The following TBC1D32 variants were observed in gnomAD, a reference collection of about 807,000 sequenced individuals.
TBC1D32 encodes protein broad-minded.
In TBC1D32, 151 loss-of-function variants were observed where a neutral mutation model predicts 170.3. The observed-to-expected ratio is 0.89, with a 90% confidence interval of 0.78 to 1.01. The LOEUF is 1.01. TBC1D32 is among the 50% of genes least tolerant of loss of function. TBC1D32 has a pLI of 0.00. For missense variants in TBC1D32, 1,464 were observed against 1,457.1 expected (o/e 1.00, Z -0.08); for synonymous variants, 498 against 488.0 (o/e 1.02, Z -0.27).
rs77710719 is a variant in TBC1D32, at chr6:121,087,507, C to T, written c.3654+3346G>A. Among the ~76,000 whole-genome samples, 231 of 152,210 alleles carry T rather than the reference C, an allele frequency of 1.5e-3. 1 individual carries two copies. Among genetic ancestry groups the T allele is most frequent in the African/African-American group, 5.4e-3 (223 of 41,536 alleles). ...TGCACACAGATTTTTATTTCTAAAA[C>T]AATGCTTTTATCATGTCATTTTATC... On this transcript the variant is annotated intron_variant, in intron 31 of 31. Transcript: ENST00000398212.
intron 3 of TBC1D32, among the ~76,000 whole-genome samples, chr6:121,312,952 C>A (rs1407825868): frequency 6.6e-6 from 1 of 152,176 alleles, no homozygotes; most frequent in African/African-American, 2.4e-5. Context: ...TCACTGCACT[C>A]TGCAACTTGC....
At chr6:121,281,859 G>A (rs368099952) in intron 13 of TBC1D32, among the ~76,000 whole-genome samples, 173 bp from the exon 14 acceptor site, 2 of 151,552 alleles carry the variant, frequency 1.3e-5, no homozygotes, top group East Asian at 1.9e-4. Context: ...TGACTTAGGG[G>A]AATCTCAATT....
chr6:121,260,051 A>T (rs1461399351), intron 15 of TBC1D32, among the ~76,000 whole-genome samples: 1 of 152,136 alleles, frequency 6.6e-6, no homozygotes, highest in Admixed American at 6.5e-5. Context: ...TAACAGTAAG[A>T]GGTTTCTCTA....
intron 20 of TBC1D32, among the ~76,000 whole-genome samples, chr6:121,228,247 T>C (rs1795303893): frequency 6.6e-6 from 1 of 152,076 alleles, no homozygotes. Flanking sequence ...TATTTCTCTT[T>C]AGTTTGTTCT....
chr6:121,120,381 A>G (rs561847375), intron 26 of TBC1D32, among the ~76,000 whole-genome samples: 28 of 152,192 alleles, frequency 1.8e-4, no homozygotes, highest in Non-Finnish European at 3.1e-4. Flanking sequence ...TATATACAAT[A>G]TAATTTTAAT....
At chr6:121,093,500 C>T (rs896793371) in intron 30 of TBC1D32, among the ~76,000 whole-genome samples, 1 of 151,944 alleles carries the variant, frequency 6.6e-6, no homozygotes, top group East Asian at 1.9e-4. Flanking sequence ...AGAAACAATT[C>T]GAGAATGAAA....
intron 13 of TBC1D32, among the ~76,000 whole-genome samples, chr6:121,282,433 C>T (rs1235557924): frequency 6.6e-6 from 1 of 151,580 alleles, no homozygotes; most frequent in Non-Finnish European, 1.5e-5. Context: ...CACTGTATGT[C>T]TATGCATTAT....
rs78208273 is a variant in TBC1D32 at position 121,091,934 on chromosome 6, G to A, written c.3466-893C>T. ...AGTCACAAAGACAGGCAGACAAAAG[G>A]AAGACAATGAAAAGACACAAATGGA... On this transcript the variant is annotated intron_variant, in intron 30 of 31. Coordinates refer to ENST00000398212, the MANE Select transcript of TBC1D32 (RefSeq NM_152730.6). Among the ~76,000 whole-genome samples the A allele has an allele frequency of 7.6e-3, 1,154 of 152,224 alleles. 18 individuals carry two copies. The highest frequency in any genetic ancestry group is 0.027 in the African/African-American group (1,106 of 41,534).
intron 3 of TBC1D32, 58 bp from the exon 4 acceptor site, chr6:121,310,905 T>C (rs1808092911): frequency 1.1e-6 from 1 of 933,610 alleles, no homozygotes; most frequent in African/African-American, 1.7e-5. Flanking sequence ...ACTATTGCTA[T>C]AAGTTATTTT....
chr6:121,106,440 C>T (rs1778693437), intron 29 of TBC1D32, among the ~76,000 whole-genome samples: 1 of 151,900 alleles, frequency 6.6e-6, no homozygotes, highest in Non-Finnish European at 1.5e-5. Flanking sequence ...CAACTTAAAT[C>T]CTTGTGGAAA....
intron 22 of TBC1D32, among the ~76,000 whole-genome samples, chr6:121,169,316 G>A (rs1161869637): frequency 6.6e-6 from 1 of 152,104 alleles, no homozygotes; most frequent in Non-Finnish European, 1.5e-5. Context: ...TAAGCAATGA[G>A]GAAAGGATTC....
At chr6:121,183,453 G>A (rs1453952930) in intron 22 of TBC1D32, among the ~76,000 whole-genome samples, 2 of 152,014 alleles carry the variant, frequency 1.3e-5, no homozygotes, top group Non-Finnish European at 2.9e-5. Flanking sequence ...GACTCTTCTG[G>A]TAAGACTAGG....
intron 1 of TBC1D32, among the ~76,000 whole-genome samples, chr6:121,325,378 A>AC (rs761149465): frequency 2.5e-4 from 38 of 151,708 alleles, no homozygotes; most frequent in African/African-American, 8.7e-4. Context: ...TTCAAACTAT[A>AC]AGATACAAGG....
rs200342260 is a variant in TBC1D32, at chr6:121,111,106, G to C, written c.3324+1399C>G. On this transcript the variant is annotated intron_variant, in intron 29 of 31. Coordinates refer to ENST00000398212, the MANE Select transcript of TBC1D32 (RefSeq NM_152730.6). ...TCCATTCATATATTCCATATTCAAT[G>C]ATGCTATCAAAATGGTAAGTCAAAT... 3.9e-5 allele frequency among the ~76,000 whole-genome samples: 6 copies of C among 152,236 alleles called. No homozygotes were observed. The South Asian group carries it at 1.2e-3, about 32-fold the overall frequency.
In TBC1D32 at chr6:121,304,895, CA is replaced by C. The variant is rs1372101983; in HGVS notation, c.691-63del. On this transcript the variant is annotated intron_variant, in intron 5 of 31. Coordinates refer to ENST00000398212, the MANE Select transcript of TBC1D32 (RefSeq NM_152730.6). ...TCACAAGAATAGAATAGAGATGAAA[CA>C]TTTTTCACACAGTAAAAACTCAGAA... 8.4e-6 allele frequency: 9 copies of C among 1,070,400 alleles called. No individual in the cohort carries two copies. In the East Asian group the frequency reaches 1.9e-4, roughly 23 times the overall value. The allele number at this position is 1,070,400 out of a possible 1,614,324, so 66.3% of individuals were successfully genotyped here. A position where few individuals can be genotyped will look rare whatever the true frequency, so the allele number is the denominator to read the frequency against.
At chr6:121,326,561 A>T (rs922983663) in intron 1 of TBC1D32, among the ~76,000 whole-genome samples, 6 of 152,130 alleles carry the variant, frequency 3.9e-5, no homozygotes, top group Non-Finnish European at 7.4e-5. Flanking sequence ...ATCCTGGAAA[A>T]CTTTTAAATC....
chr6:121,194,207 T>C (rs577099766), intron 22 of TBC1D32, among the ~76,000 whole-genome samples: 28 of 152,280 alleles, frequency 1.8e-4, no homozygotes, highest in South Asian at 1.0e-3. Context: ...CCCAGAATCA[T>C]CTGTGGTCAT....
chr6:121,129,915 A>C, intron 25 of TBC1D32: 1 of 451,722 alleles, frequency 2.2e-6, no homozygotes, highest in South Asian at 1.6e-5. Flanking sequence ...AAACCTAAAA[A>C]TTGGGAGCAC....
intron 21 of TBC1D32, 41 bp downstream of exon 21, chr6:121,223,195 T>C (rs1794708739): frequency 4.0e-6 from 5 of 1,257,696 alleles, no homozygotes; most frequent in Non-Finnish European, 4.4e-6. Context: ...TCTCAAATAG[T>C]AGCATTTATA....
Sources: gnomAD v4.1 joint callset for allele counts (sites outside exome capture counted in the v4.1 genomes callset) on GRCh38, gnomAD v4.1.1 for gene constraint, MANE v1.5 for transcripts, NCBI Gene and HGNC (gene_info 2026-07-23, HGNC 2026-07-21) for gene names.